Variants in IL1RAPL2 observed in about 807,000 individuals in gnomAD.
IL1RAPL2 encodes interleukin 1 receptor accessory protein like 2, also known as X-linked interleukin-1 receptor accessory protein-like 2.
A neutral mutation model predicts 44.1 loss-of-function variants in IL1RAPL2; 3 were observed. The ratio of observed to expected loss-of-function variants is 0.07; its 90% confidence interval spans 0.03 to 0.18. The LOEUF (loss-of-function observed/expected upper bound fraction) is 0.18. Among genes scored for constraint, IL1RAPL2 ranks in the 10% least tolerant of loss-of-function variants. The pLI is 1.00. For missense variants in IL1RAPL2, 391 were observed against 496.4 expected (o/e 0.79, Z 2.02); for synonymous variants, 181 against 178.8 (o/e 1.01, Z -0.10).
At chrX:105,468,144 CA>C (rs1301999699) in intron 5 of IL1RAPL2, among the ~76,000 whole-genome samples, 1 of 112,030 alleles carries the variant, frequency 8.9e-6, no homozygotes, top group Non-Finnish European at 1.9e-5. Context: ...TGGGTTCCTT[CA>C]TTCTTAAAGT....
rs1398983755 is a variant in IL1RAPL2 at position 105,425,843 on chromosome X, C to A, written c.698-58470C>A. Reference sequence around the variant, plus strand: ...TTTTAAAAAAATGCTACAAAAAACCCCATCCTAACACCAACAAAAAGAACA... The same window carrying A: ...TTTTAAAAAAATGCTACAAAAAACCACATCCTAACACCAACAAAAAGAACA... On this transcript the variant is annotated intron_variant, in intron 5 of 10. Transcript: ENST00000372582. 2.7e-5 allele frequency among the ~76,000 whole-genome samples: 3 copies of A among 109,605 alleles called. No individual in the cohort carries two copies. In the East Asian group the frequency reaches 8.7e-4, roughly 32 times the overall value.
At chrX:105,637,211 T>C (rs192512058) in intron 6 of IL1RAPL2, among the ~76,000 whole-genome samples, 2 of 112,049 alleles carry the variant, frequency 1.8e-5, no homozygotes, top group Non-Finnish European at 3.8e-5. Flanking sequence ...GAAAGCCTTC[T>C]CTCTGCATAT....
intron 2 of IL1RAPL2, among the ~76,000 whole-genome samples, chrX:104,946,446 G>C (rs1399487335): frequency 2.3e-5 from 2 of 87,004 alleles, no homozygotes; most frequent in Non-Finnish European, 4.3e-5. Flanking sequence ...TTAAGTTTTA[G>C]GGTACATGTG....
chrX:105,452,432 A>G (rs372274570), intron 5 of IL1RAPL2, among the ~76,000 whole-genome samples: 1 of 111,820 alleles, frequency 8.9e-6, no homozygotes. Flanking sequence ...CTAATAATTT[A>G]GGAACACTGC....
chrX:104,604,610 A>C (rs2857611), intron 1 of IL1RAPL2, among the ~76,000 whole-genome samples: 1 of 91,415 alleles, frequency 1.1e-5, no homozygotes, highest in Admixed American at 1.3e-4. Flanking sequence ...GGATGGAGGA[A>C]TATTTACTGA....
intron 2 of IL1RAPL2, among the ~76,000 whole-genome samples, chrX:104,678,497 G>C (rs1930829523): frequency 8.9e-6 from 1 of 111,753 alleles, no homozygotes. Flanking sequence ...TAGAGCCACT[G>C]CATCTCATCC....
chrX:105,652,178 G>C (rs2037646637), intron 6 of IL1RAPL2, among the ~76,000 whole-genome samples: 1 of 111,554 alleles, frequency 9.0e-6, no homozygotes, highest in East Asian at 2.8e-4. Context: ...CTGACATGTA[G>C]GTATGTTATA....
At chrX:104,705,793 G>T (rs1157549717) in intron 2 of IL1RAPL2, among the ~76,000 whole-genome samples, 4 of 111,484 alleles carry the variant, frequency 3.6e-5, no homozygotes, top group African/African-American at 1.3e-4. Context: ...GAACATGATG[G>T]TGAAGGACCT....
intron 3 of IL1RAPL2, among the ~76,000 whole-genome samples, chrX:105,217,829 C>A (rs1556169508): frequency 9.0e-6 from 1 of 111,603 alleles, no homozygotes; most frequent in African/African-American, 3.3e-5. Context: ...AGCCATCATT[C>A]TCAGCAAATA....
chrX:105,541,933 G>C (rs999439506), intron 6 of IL1RAPL2, among the ~76,000 whole-genome samples: 1 of 111,133 alleles, frequency 9.0e-6, no homozygotes, highest in Non-Finnish European at 1.9e-5. Flanking sequence ...TTTAACCTGC[G>C]TTTGCTGTCT....
chrX:105,233,026 T>C (rs1346882212), intron 3 of IL1RAPL2, among the ~76,000 whole-genome samples: 6 of 112,238 alleles, frequency 5.3e-5, no homozygotes, highest in South Asian at 3.7e-4. Context: ...CCGTGGCTCA[T>C]GCCTGTAATC....
intron 5 of IL1RAPL2, among the ~76,000 whole-genome samples, chrX:105,354,785 C>T (rs2035188627): frequency 9.0e-6 from 1 of 111,529 alleles, no homozygotes; most frequent in Admixed American, 9.6e-5. Flanking sequence ...ATTACCATAC[C>T]TCAATGTCAG....
chrX:104,585,322 A>ATATATTATATATAT (rs1347233369), intron 1 of IL1RAPL2, among the ~76,000 whole-genome samples: 5 of 21,005 alleles, frequency 2.4e-4, no homozygotes, highest in African/African-American at 1.4e-3. Flanking sequence ...AATATATATT[A>ATATATTATATATAT]TATATAATAT....
intron 5 of IL1RAPL2, among the ~76,000 whole-genome samples, chrX:105,343,045 T>TA (rs397969579): frequency 0.13 from 13,509 of 106,928 alleles, 2,203 homozygotes; most frequent in African/African-American, 0.44. Context: ...GCTATTCTAT[T>TA]AAAAAAAAAA....
intron 2 of IL1RAPL2, among the ~76,000 whole-genome samples, chrX:104,908,817 G>A (rs965727357): frequency 1.7e-4 from 19 of 108,879 alleles, no homozygotes; most frequent in Admixed American, 4.9e-4. Context: ...TCTTTGTGGC[G>A]TTCACTGTAT....
At chrX:105,097,893 A>C (rs1354821514) in intron 2 of IL1RAPL2, among the ~76,000 whole-genome samples, 1 of 111,395 alleles carries the variant, frequency 9.0e-6, no homozygotes, top group Admixed American at 9.6e-5. Flanking sequence ...TTTTAAAATT[A>C]TTAAGGCTCC....
intron 2 of IL1RAPL2, among the ~76,000 whole-genome samples, chrX:105,041,760 C>A (rs1453096287): frequency 9.2e-6 from 1 of 108,701 alleles, no homozygotes; most frequent in Admixed American, 9.9e-5. Context: ...AAAGAGCCCG[C>A]ATCGCCAAGT....
intron 6 of IL1RAPL2, among the ~76,000 whole-genome samples, chrX:105,634,944 T>C (rs757017760): frequency 1.8e-5 from 2 of 111,567 alleles, no homozygotes; most frequent in African/African-American, 3.3e-5. Context: ...TTAGTAACTT[T>C]CCCATGGTCA....
intron 7 of IL1RAPL2, among the ~76,000 whole-genome samples, chrX:105,723,719 C>T (rs2038326823): frequency 9.0e-6 from 1 of 111,321 alleles, no homozygotes; most frequent in Non-Finnish European, 1.9e-5. Flanking sequence ...GCCTGTTCCT[C>T]GTGGATGGAA....
Sources: allele counts gnomAD v4.1 joint callset (sites outside exome capture counted in the v4.1 genomes callset), GRCh38; gene constraint gnomAD v4.1.1; transcripts MANE v1.5; gene names NCBI Gene and HGNC (gene_info 2026-07-23, HGNC 2026-07-21).